Variants in CYP7A1 observed in about 807,000 individuals in gnomAD.
CYP7A1 encodes cytochrome P450 7A1.
A neutral mutation model predicts 43.8 loss-of-function variants in CYP7A1; 28 were observed. The observed-to-expected ratio is 0.64, with a 90% CI of 0.47 to 0.88. The LOEUF is 0.88. Among genes scored for constraint, CYP7A1 ranks in the 40% least tolerant of loss-of-function variants. The pLI is 0.00. For synonymous variants in CYP7A1, 227 were observed against 222.5 expected (o/e 1.02, Z -0.18); for missense variants, 637 against 611.9 (o/e 1.04, Z -0.43).
chr8:58,494,665 G>A (rs1809411050), intron 3 of CYP7A1, 29 bp from the exon 4 acceptor site: 1 of 1,610,338 alleles, frequency 6.2e-7, no homozygotes, highest in Admixed American at 1.7e-5. Context: ...AAACATGTAT[G>A]TACAGAAAAT....
chr8:58,491,574 G>A lies in CYP7A1; in HGVS notation c.1416C>T (p.Gly472=). The A allele has an allele frequency of 6.2e-7, 1 of 1,614,142 alleles. No homozygotes were observed. The highest frequency in any genetic ancestry group is 8.5e-7 in the Non-Finnish European group (1 of 1,180,020). The change falls in exon 6 of 6, where the codon GGC becomes GGT. Residue 472 remains glycine (G), a synonymous_variant. Coordinates refer to ENST00000301645, the MANE Select transcript of CYP7A1 (RefSeq NM_000780.4). ...LSYFELELIE[G]QAKCPPLDQS... ...GGTCCAAAGGTGGACATTTAGCTTG[G>A]CCCTCTATAAGCTCCAATTCAAAAT...
At chr8:58,493,403 C>T (rs534171240) in intron 4 of CYP7A1, among the ~76,000 whole-genome samples, 102 of 152,194 alleles carry the variant, frequency 6.7e-4, no homozygotes, top group African/African-American at 1.6e-3. Context: ...CACCGCTGCC[C>T]GGTAAAGGCA....
intron 4 of CYP7A1, among the ~76,000 whole-genome samples, chr8:58,493,200 C>T (rs1809380056): frequency 6.6e-6 from 1 of 152,094 alleles, no homozygotes; most frequent in Admixed American, 6.5e-5. Context: ...CTGGAAAAAT[C>T]AGTAATACAT....
At chr8:58,492,672 G>C in intron 4 of CYP7A1, 144 bp from the exon 5 acceptor site, 1 of 678,174 alleles carries the variant, frequency 1.5e-6, no homozygotes, top group East Asian at 2.7e-5. Context: ...AAGATGAACA[G>C]GGTATGGGAA....
intron 4 of CYP7A1, 129 bp from the exon 5 acceptor site, chr8:58,492,657 A>G: frequency 1.3e-6 from 1 of 741,312 alleles, no homozygotes; most frequent in Non-Finnish European, 2.3e-6. Context: ...GCAGTGCATA[A>G]CACAAAGATG....
rs1228674304 is a variant in CYP7A1, at chr8:58,497,026, C to CTTT, written c.483_485dup (p.Lys162dup). 1.2e-6 allele frequency: 2 copies of CTTT among 1,611,002 alleles called. No homozygotes were observed. Among genetic ancestry groups the CTTT allele is most frequent in the Non-Finnish European group, 1.7e-6 (2 of 1,179,990 alleles). On this transcript the variant is annotated inframe_insertion, in exon 3 of 6. Coordinates refer to ENST00000301645, the MANE Select transcript of CYP7A1 (RefSeq NM_000780.4). Reference sequence around the variant, plus strand: ...TCCCTTCTGTCACCCAGGCAGCGGTCTTTGAGTTAGAGGAGACTGGAGGTC... The same window carrying CTTT: ...TCCCTTCTGTCACCCAGGCAGCGGTCTTTTTTGAGTTAGAGGAGACTGGAGGTC...
At position 58,497,158 on chromosome 8, in the gene CYP7A1, A is replaced by C; in HGVS notation, c.354T>G (p.Asp118Glu). 6.3e-7 allele frequency: 1 copy of C among 1,599,752 alleles called. No homozygotes were observed. Among genetic ancestry groups the C allele is most frequent in the Non-Finnish European group, 8.5e-7 (1 of 1,179,936 alleles). The change falls in exon 3 of 6, where the codon GAT becomes GAG. Residue 118 changes from aspartate (D) to glutamate (E), a missense_variant. Physicochemically the swap from Asp to Glu is conservative, Grantham distance 45. Coordinates refer to ENST00000301645, the MANE Select transcript of CYP7A1 (RefSeq NM_000780.4). ...AFGHRSIDPM[D>E]GNTTENINDT... ...CGTTTATGTTTTCAGTGGTATTTCC[A>C]TCCATCGGGTCAATGCTTCTGTGCC...
chr8:58,491,846 A>G, intron 5 of CYP7A1, 72 bp from the exon 6 acceptor site: 5 of 1,264,148 alleles, frequency 4.0e-6, no homozygotes, highest in Non-Finnish European at 5.7e-6. Flanking sequence ...TAAACCTGGA[A>G]GCTCCAAAGA....
rs1809347692 is a variant in CYP7A1 at position 58,491,378 on chromosome 8, T to C, written c.*97A>G. 2 of 1,144,374 alleles carry C rather than the reference T, an allele frequency of 1.7e-6. No homozygotes were observed. The highest frequency in any genetic ancestry group is 2.6e-6 in the Non-Finnish European group (2 of 780,406). 70.9% of individuals were successfully genotyped at this position (1,144,374 alleles called of 1,614,324 possible). A position where few individuals can be genotyped will look rare whatever the true frequency, so the allele number is the denominator to read the frequency against. Reference sequence around the variant, plus strand: ...AACATTGGACCTGGTGAATCATTTCTACCACCACTAAATGCATTTGTCCAA... The same window carrying C: ...AACATTGGACCTGGTGAATCATTTCCACCACCACTAAATGCATTTGTCCAA... On this transcript the variant is annotated 3_prime_UTR_variant, in exon 6 of 6. Transcript: ENST00000301645.
rs1030176083 is a variant in CYP7A1, at chr8:58,491,664, T to C, written c.1326A>G (p.Thr442=). The change falls in exon 6 of 6, where the codon ACA becomes ACG. Residue 442 remains threonine (T), a synonymous_variant. Coordinates refer to ENST00000301645, the MANE Select transcript of CYP7A1 (RefSeq NM_000780.4). ...TAGCGAACAATCTTCCAGGACATAT[T>C]GTAGCTCCCGATCCAAAGGGCATGT... ...YYYMPFGSGA[T]ICPGRLFAIH... 1 of 1,614,156 alleles carries C rather than the reference T, an allele frequency of 6.2e-7. No individual in the cohort carries two copies. Among genetic ancestry groups the C allele is most frequent in the Non-Finnish European group, 8.5e-7 (1 of 1,180,014 alleles).
rs1809345412 is a variant in CYP7A1, at chr8:58,491,173, G to A, written c.*302C>T. ...TCATTTTGAAAAAAAATAAAATAAAGGTGTTTTCCTTTGAAAATAATAAAC... is the reference window on the plus strand; with the variant it reads ...TCATTTTGAAAAAAAATAAAATAAAAGTGTTTTCCTTTGAAAATAATAAAC... On this transcript the variant is annotated 3_prime_UTR_variant, in exon 6 of 6. Coordinates refer to ENST00000301645, the MANE Select transcript of CYP7A1 (RefSeq NM_000780.4). 1 of 355,638 alleles carries A rather than the reference G, an allele frequency of 2.8e-6. No individual in the cohort carries two copies. The highest frequency in any genetic ancestry group is 4.3e-5 in the South Asian group (1 of 23,012). The allele number at this position is 355,638 out of a possible 1,614,324, so 22.0% of individuals were successfully genotyped here.
Position 58,500,010 on chromosome 8 carries a change from A to T in CYP7A1, c.80+9T>A, listed in dbSNP as rs1410644135. On this transcript the variant is annotated intron_variant, in intron 1 of 5. Coordinates refer to ENST00000301645, the MANE Select transcript of CYP7A1 (RefSeq NM_000780.4). ...TCAAAGAGCAATTTAAAGATAAAAC[A>T]TTACTTACCTTCTCCTAATTCCAAG... is the stretch of plus-strand genomic sequence containing the variant. The T allele has an allele frequency of 6.2e-7, 1 of 1,604,642 alleles. No homozygotes were observed. The highest frequency in any genetic ancestry group is 8.5e-7 in the Non-Finnish European group (1 of 1,171,742).
rs116324527 is a variant in CYP7A1 at position 58,497,388 on chromosome 8, C to T, written c.322-198G>A. 5.7e-3 allele frequency among the ~76,000 whole-genome samples: 861 copies of T among 152,336 alleles called. 5 individuals are homozygous for T. The highest frequency in any genetic ancestry group is 0.02 in the African/African-American group (821 of 41,568). ...TCCTTTAAAGCCAACTTCAGTGGCA[C>T]TCCCCTGGATCACTCAAGTCATCTA... is the stretch of plus-strand genomic sequence containing the variant. On this transcript the variant is annotated intron_variant, in intron 2 of 5. Coordinates refer to ENST00000301645, the MANE Select transcript of CYP7A1 (RefSeq NM_000780.4).
In CYP7A1 at chr8:58,491,640, AGC is replaced by A. The variant is rs1251206969; in HGVS notation, c.1348_1349del (p.Ala450TyrfsTer16). The A allele has an allele frequency of 6.2e-7, 1 of 1,614,124 alleles. No individual in the cohort carries two copies. Among genetic ancestry groups the A allele is most frequent in the Non-Finnish European group, 8.5e-7 (1 of 1,180,042 alleles). On this transcript the variant is annotated frameshift_variant, in exon 6 of 6. Coordinates refer to ENST00000301645, the MANE Select transcript of CYP7A1 (RefSeq NM_000780.4). LOFTEE classifies it high-confidence loss of function. Reference protein sequence around the residue: ...GATICPGRLFAIHEIKQFLIL... With the variant: ...GATICPGRLFXIHEIKQFLIL... ...TCAAAAATTGCTTGATTTCGTGGAT[AGC>A]GAACAATCTTCCAGGACATATTGTA...
At chr8:58,494,720 C>T (rs1472318221) in intron 3 of CYP7A1, 84 bp from the exon 4 acceptor site, 2 of 1,320,130 alleles carry the variant, frequency 1.5e-6, no homozygotes. Context: ...TAGGCCTTTC[C>T]CCCTTCTTTT....
chr8:58,496,990 G>A lies in CYP7A1; in HGVS notation c.522C>T (p.Phe174=). ...AAWVTEGMYS[F]CYRVMFEAGY... ...CAGCTTCAAACATCACTCGGTAGCAGAAAGAATACATCCCTTCTGTCACCC... is the reference window on the plus strand; with the variant it reads ...CAGCTTCAAACATCACTCGGTAGCAAAAAGAATACATCCCTTCTGTCACCC... Residue 174 remains phenylalanine, a synonymous_variant, in exon 3 of 6, where the codon TTC becomes TTT. Coordinates refer to ENST00000301645, the MANE Select transcript of CYP7A1 (RefSeq NM_000780.4). 6.2e-7 allele frequency: 1 copy of A among 1,613,998 alleles called. No individual in the cohort carries two copies.
chr8:58,496,625 C>A lies in CYP7A1; in HGVS notation c.887G>T (p.Trp296Leu). Reference protein sequence around the residue: ...SQANTIPATFWSLFQMIRNPE... With the variant: ...SQANTIPATFLSLFQMIRNPE... ...TCACCTAATCATTTGAAATAAACTC[C>A]AGAAAGTCGCTGGAATGGTGTTTGC... Residue 296 changes from tryptophan to leucine, a missense_variant, in exon 3 of 6, where the codon TGG becomes TTG. Coordinates refer to ENST00000301645, the MANE Select transcript of CYP7A1 (RefSeq NM_000780.4). 1 of 1,613,924 alleles carries A rather than the reference C, an allele frequency of 6.2e-7. No individual in the cohort carries two copies. The highest frequency in any genetic ancestry group is 8.5e-7 in the Non-Finnish European group (1 of 1,179,916).
In CYP7A1 at chr8:58,490,432, T is replaced by A. The variant is rs1809332457; in HGVS notation, c.*1043A>T. 2.6e-5 allele frequency: 4 copies of A among 152,190 alleles called. No individual in the cohort carries two copies. In the South Asian group the frequency reaches 8.3e-4, roughly 31 times the overall value. The allele number at this position is 152,190 out of a possible 1,614,324, so 9.4% of individuals were successfully genotyped here. ...CAAGTCATTTAGCGATAAAAAGCAT[T>A]TAAATAAAACATAATGTCAAGCTGC... On this transcript the variant is annotated 3_prime_UTR_variant, in exon 6 of 6. Transcript: ENST00000301645.
chr8:58,495,521 C>T (rs995209033), intron 3 of CYP7A1, among the ~76,000 whole-genome samples: 1 of 152,156 alleles, frequency 6.6e-6, no homozygotes, highest in Non-Finnish European at 1.5e-5. Context: ...AGCCATTGCG[C>T]CCGGCCTGGT....
Sources: allele counts gnomAD v4.1 joint callset (sites outside exome capture counted in the v4.1 genomes callset), GRCh38; gene constraint gnomAD v4.1.1; transcripts MANE v1.5; gene names NCBI Gene and HGNC (gene_info 2026-07-23, HGNC 2026-07-21).